Variants in DNAH12 observed in about 807,000 individuals in gnomAD.
The protein encoded by DNAH12 is dynein axonemal heavy chain 12, also known as axonemal beta dynein heavy chain 12.
In DNAH12, 285 loss-of-function variants were observed where a neutral mutation model predicts 371.5. That is an observed-to-expected ratio of 0.77 (90% CI 0.70 to 0.85). DNAH12 has a LOEUF of 0.85. Among genes scored for constraint, DNAH12 ranks in the 40% least tolerant of loss-of-function variants. DNAH12 has a pLI of 0.00. For synonymous variants in DNAH12, 1,200 were observed against 1,213.0 expected, an observed-to-expected ratio of 0.99 and a Z score of 0.22; for missense variants, 3,611 against 3,689.4, an observed-to-expected ratio of 0.98 and a Z score of 0.55.
chr3:57,427,946 T>C (rs992578462), intron 34 of DNAH12, among the ~76,000 whole-genome samples: 1 of 151,634 alleles, frequency 6.6e-6, no homozygotes, highest in Admixed American at 6.6e-5. Flanking sequence ...TTTTTTTTTC[T>C]GAGACGGAGT....
chr3:57,398,711 C>T lies in DNAH12; in HGVS notation c.6949-4379G>A, dbSNP rs1037469656. On this transcript the variant is annotated intron_variant, in intron 43 of 73. Transcript: ENST00000495027. ...CAATGTATCTGGTACAGCTGCCTTA[C>T]AAAAATGAAGGTGAAATTAAAACCT... Among the ~76,000 whole-genome samples, 13 of 152,174 alleles carry T rather than the reference C, an allele frequency of 8.5e-5. No homozygotes were observed. In the East Asian group the frequency reaches 9.7e-4, roughly 11 times the overall value.
intron 57 of DNAH12, 51 bp downstream of exon 57, chr3:57,366,678 C>T (rs2063058838): frequency 6.6e-6 from 1 of 152,122 alleles, no homozygotes; most frequent in Admixed American, 6.5e-5. Flanking sequence ...TATTAATGAC[C>T]TACAAATATT....
intron 58 of DNAH12, among the ~76,000 whole-genome samples, chr3:57,361,599 G>A (rs1389161769): frequency 1.3e-5 from 2 of 151,010 alleles, no homozygotes; most frequent in African/African-American, 2.4e-5. Context: ...AGATAATGAC[G>A]GAATTAATGT....
rs2153325389 is a variant in DNAH12 at position 57,357,198 on chromosome 3, A to G, written c.9511T>C (p.Tyr3171His). The G allele has an allele frequency of 6.6e-6, 1 of 152,306 alleles. No homozygotes were observed. The highest frequency in any genetic ancestry group is 2.1e-4 in the South Asian group (1 of 4,822). 9.4% of individuals were successfully genotyped at this position (152,306 alleles called of 1,614,324 possible). The change falls in exon 59 of 74, where the codon TAT (tyrosine) becomes CAT (histidine). Residue 3171 changes from tyrosine to histidine, a missense_variant. By Grantham distance (83) the Tyr-to-His change is moderately conservative. This residue lies in a region of DNAH12 where 2,266 missense variants were observed against 2,236.9 expected (regional missense o/e 1.01). Transcript: ENST00000495027. ...TACCTGTCATGAATAGAGTTGATAT[A>G]AAGGTTCACAAACCACGTGAGAGAG... ...QYSLTWFVNL[Y>H]INSIHDSNKS...
At chr3:57,434,461 T>C (rs1469007767) in intron 30 of DNAH12, among the ~76,000 whole-genome samples, 1 of 152,128 alleles carries the variant, frequency 6.6e-6, no homozygotes, top group Non-Finnish European at 1.5e-5. Flanking sequence ...ACCTACTATA[T>C]ATAAATGAGA....
At chr3:57,456,928 C>A (rs1384880618) in intron 22 of DNAH12, among the ~76,000 whole-genome samples, 2 of 152,190 alleles carry the variant, frequency 1.3e-5, no homozygotes, top group African/African-American at 4.8e-5. Flanking sequence ...AAATTAACTA[C>A]AAAATTTATT....
intron 55 of DNAH12, among the ~76,000 whole-genome samples, chr3:57,370,702 A>G (rs2063151647): frequency 6.6e-6 from 1 of 152,204 alleles, no homozygotes; most frequent in South Asian, 2.1e-4. Context: ...TAAAAGACAC[A>G]TACATACATC....
chr3:57,403,812 C>T (rs941337780), intron 42 of DNAH12, among the ~76,000 whole-genome samples: 3 of 152,124 alleles, frequency 2.0e-5, no homozygotes, highest in Non-Finnish European at 4.4e-5. Context: ...TATGTTTCTT[C>T]AGTCTCTTAA....
At chr3:57,462,049 T>C (rs1575634980) in intron 18 of DNAH12, among the ~76,000 whole-genome samples, 1 of 152,156 alleles carries the variant, frequency 6.6e-6, no homozygotes, top group Non-Finnish European at 1.5e-5. Context: ...TTTAGGGCCA[T>C]ACTTACCCTG....
intron 59 of DNAH12, among the ~76,000 whole-genome samples, chr3:57,352,869 A>G (rs1553661100): frequency 6.6e-6 from 1 of 152,072 alleles, no homozygotes; most frequent in African/African-American, 2.4e-5. Flanking sequence ...TGGGTGGATC[A>G]TTTGAGGTCA....
rs2061827690 is a variant in DNAH12, at chr3:57,322,381, C to G, written c.10486G>C (p.Asp3496His). 1.3e-6 allele frequency: 2 copies of G among 1,551,756 alleles called. No homozygotes were observed. Among genetic ancestry groups the G allele is most frequent in the African/African-American group, 2.7e-5 (2 of 73,150 alleles). Reference sequence around the variant, plus strand: ...CGGCATCCCTTGAAAAACTCAGGATCAGAAACTGGATCAGTGAGATATGAT... The same window carrying G: ...CGGCATCCCTTGAAAAACTCAGGATGAGAAACTGGATCAGTGAGATATGAT... ...LQSYLTDPVS[D>H]PEFFKGCRGK... Residue 3496 changes from aspartate to histidine, a missense_variant, in exon 65 of 74, where the codon GAT (aspartate) becomes CAT (histidine). Asp to His is a moderately conservative substitution (Grantham distance 81, BLOSUM62 -1). Coordinates refer to ENST00000495027, the MANE Select transcript of DNAH12 (RefSeq NM_001366028.2).
intron 70 of DNAH12, 23 bp from the exon 71 acceptor site, chr3:57,297,007 AT>A: frequency 6.5e-7 from 1 of 1,549,674 alleles, no homozygotes; most frequent in South Asian, 1.2e-5. Context: ...AACAAAACAC[AT>A]TATGTCAGTT....
At chr3:57,383,775 GGAGAAAAGAAAA>G (rs1175647170) in intron 49 of DNAH12, among the ~76,000 whole-genome samples, 2 of 145,812 alleles carry the variant, frequency 1.4e-5, no homozygotes, top group East Asian at 3.9e-4. Flanking sequence ...AAAAAAAAAA[GGAGAAAAGAAAA>G]GAAAAAAAGT....
In DNAH12 at chr3:57,300,678, GTC is replaced by G. The variant is rs376135397; in HGVS notation, c.11394+1055_11394+1056del. Among the ~76,000 whole-genome samples the G allele has an allele frequency of 1.1e-4, 17 of 152,216 alleles. No homozygotes were observed. In the South Asian group the frequency reaches 2.3e-3, roughly 20 times the overall value. On this transcript the variant is annotated intron_variant, in intron 70 of 73. Transcript: ENST00000495027. ...TTTAAAGCGATATAGGAGAAAGTCT[GTC>G]TCTCTACATTCTTACAAGCACTGGT...
intron 29 of DNAH12, 57 bp from the exon 30 acceptor site, chr3:57,437,117 G>T: frequency 9.4e-7 from 1 of 1,058,240 alleles, no homozygotes; most frequent in African/African-American, 1.7e-5. Flanking sequence ...TGTCATACCT[G>T]TCTTATAAGT....
chr3:57,322,895 A>G, intron 64 of DNAH12, 112 bp downstream of exon 64: 1 of 1,410,498 alleles, frequency 7.1e-7, no homozygotes, highest in Non-Finnish European at 9.4e-7. Flanking sequence ...GCGCCACTGC[A>G]CTCCAGCCTG....
intron 14 of DNAH12, 127 bp from the exon 15 acceptor site, chr3:57,471,733 A>G: frequency 1.4e-6 from 1 of 739,702 alleles, no homozygotes; most frequent in Non-Finnish European, 1.9e-6. Context: ...AAATAAAACA[A>G]TGCCTATAAT....
intron 19 of DNAH12, among the ~76,000 whole-genome samples, chr3:57,460,505 T>C (rs2066025481): frequency 1.3e-5 from 2 of 152,208 alleles, no homozygotes; most frequent in Admixed American, 1.3e-4. Context: ...ATATCTTCGA[T>C]TTTTAAAAAA....
rs1049454678 is a variant in DNAH12, at chr3:57,446,145, C to A, written c.4065G>T (p.Lys1355Asn). 1.3e-6 allele frequency: 2 copies of A among 1,551,586 alleles called. No homozygotes were observed. Among genetic ancestry groups the A allele is most frequent in the African/African-American group, 1.4e-5 (1 of 73,040 alleles). ...TCCCTTCAAAAACAAACACAACCAA[C>A]TTCTGTTGAATAGCTCTCTGAATGC... is the stretch of plus-strand genomic sequence containing the variant. Reference protein sequence around the residue: ...ILCIQRAIQQKLVVFVFEGTE... With the variant: ...ILCIQRAIQQNLVVFVFEGTE... Residue 1355 changes from lysine to asparagine, a missense_variant, in exon 27 of 74, where the codon AAG (lysine) becomes AAT (asparagine). Coordinates refer to ENST00000495027, the MANE Select transcript of DNAH12 (RefSeq NM_001366028.2).
Sources: allele counts gnomAD v4.1 joint callset (sites outside exome capture counted in the v4.1 genomes callset), GRCh38; gene constraint gnomAD v4.1.1; regional missense constraint gnomAD v4.1.1; transcripts MANE v1.5; gene names NCBI Gene and HGNC (gene_info 2026-07-23, HGNC 2026-07-21).